The following EMILIN2 variants were observed in gnomAD, a reference collection of about 807,000 sequenced individuals.
EMILIN2 encodes elastin microfibril interfacer 2.
Under a neutral mutation model 87.1 loss-of-function variants are expected in EMILIN2, and 71 were observed. The ratio of observed to expected loss-of-function variants is 0.82; its 90% CI spans 0.67 to 0.99. The LOEUF (loss-of-function observed/expected upper bound fraction) is 0.99, where lower values mean the gene tolerates loss of function less well. EMILIN2 is among the 50% of genes least tolerant of loss of function. The probability of loss-of-function intolerance (pLI) is 0.00; values close to 1 mark genes in which losing one functional copy is unlikely to be tolerated. For synonymous variants in EMILIN2, 581 were observed against 563.4 expected (o/e 1.03, Z -0.44); for missense variants, 1,407 against 1,371.8 (o/e 1.03, Z -0.40).
Position 2,880,488 on chromosome 18 carries a change from G to T in EMILIN2, c.258-4476G>T, listed in dbSNP as rs189418801. ...ACAGGCCCAGGGTTACAGCCCCAAG[G>T]GCCGCCCCCGCCCATACCCAAGGCA... On this transcript the variant is annotated intron_variant, in intron 2 of 7. Transcript: ENST00000254528. The surrounding 1 kb of genome is among the most constrained non-coding windows in gnomAD (Gnocchi z 4.1). Among the ~76,000 whole-genome samples the T allele has an allele frequency of 2.0e-4, 31 of 152,322 alleles. No homozygotes were observed. In the East Asian group the frequency reaches 5.8e-3, roughly 28 times the overall value.
rs1240045194 is a variant in EMILIN2, at chr18:2,890,850, A to ACAC, written c.723_724insCAC (p.Gly241_Asp242insHis). ...CCAAGCCTGACACCACTGTTAGTGG[A>ACAC]GACACAGAAACGGGCCAGAGTCCTG... On this transcript the variant is annotated inframe_insertion, in exon 4 of 8. Coordinates refer to ENST00000254528, the MANE Select transcript of EMILIN2 (RefSeq NM_032048.3). This position sits in a 1 kb window ranked among gnomAD's most constrained non-coding sequence, Gnocchi z 4.7. 1.2e-6 allele frequency: 2 copies of ACAC among 1,613,904 alleles called. No individual in the cohort carries two copies. Among genetic ancestry groups the ACAC allele is most frequent in the South Asian group, 2.2e-5 (2 of 91,080 alleles).
At chr18:2,884,386 C>T (rs1324996821) in intron 2 of EMILIN2, among the ~76,000 whole-genome samples, 1 of 151,550 alleles carries the variant, frequency 6.6e-6, no homozygotes, top group Non-Finnish European at 1.5e-5. Context: ...GCTGGGACTA[C>T]AGGCATGCGC....
intron 4 of EMILIN2, among the ~76,000 whole-genome samples, chr18:2,900,493 G>A (rs937420601): frequency 1.3e-5 from 2 of 152,182 alleles, no homozygotes; most frequent in Non-Finnish European, 2.9e-5. Context: ...CAGCTCAAAA[G>A]CAGTGTTGAG....
chr18:2,862,927 A>G (rs1263389699), intron 2 of EMILIN2, among the ~76,000 whole-genome samples: 1 of 152,094 alleles, frequency 6.6e-6, no homozygotes, highest in Non-Finnish European at 1.5e-5. Context: ...CAGAGATTCA[A>G]CTTCTTCCTG....
rs199816715 is a variant in EMILIN2, at chr18:2,884,905, G to A, written c.258-59G>A. The A allele has an allele frequency of 1.3e-4, 197 of 1,519,730 alleles. No individual in the cohort carries two copies. In the South Asian group the frequency reaches 2.3e-3, roughly 18 times the overall value. 94.1% of individuals were successfully genotyped at this position (1,519,730 alleles called of 1,614,324 possible). Reference sequence around the variant, plus strand: ...TGAGTCCTCTTTATTTGGGTCTAGCGCCGGAAGTTGCTTGTAACGGCAGCC... The same window carrying A: ...TGAGTCCTCTTTATTTGGGTCTAGCACCGGAAGTTGCTTGTAACGGCAGCC... On this transcript the variant is annotated intron_variant, in intron 2 of 7. Coordinates refer to ENST00000254528, the MANE Select transcript of EMILIN2 (RefSeq NM_032048.3).
In EMILIN2 at chr18:2,913,162, A is replaced by G. The variant is rs1364519662; in HGVS notation, c.2920A>G (p.Asn974Asp). 3.1e-6 allele frequency: 5 copies of G among 1,613,564 alleles called. No homozygotes were observed. In the Admixed American group the frequency reaches 8.3e-5, roughly 27 times the overall value. ...AYVEAVLSVS[N>D]ASVAQLHTAG... ...CGTGGAAGCAGTGCTGTCGGTCTCC[A>G]ACGCCAGCGTGGCCCAGCTGCATAC... Residue 974 changes from asparagine to aspartate, a missense_variant, in exon 8 of 8, where the codon AAC becomes GAC. By Grantham distance (23) the Asn-to-Asp change is conservative. Coordinates refer to ENST00000254528, the MANE Select transcript of EMILIN2 (RefSeq NM_032048.3).
At chr18:2,873,695 A>T in intron 2 of EMILIN2, among the ~76,000 whole-genome samples, 1 of 151,796 alleles carries the variant, frequency 6.6e-6, no homozygotes, top group East Asian at 1.9e-4. Flanking sequence ...CGACAGAGCA[A>T]GACTCCATCT....
intron 2 of EMILIN2, among the ~76,000 whole-genome samples, chr18:2,861,939 G>C (rs1411123040): frequency 6.6e-6 from 1 of 152,090 alleles, no homozygotes; most frequent in Non-Finnish European, 1.5e-5. Flanking sequence ...TCCTTGAAGA[G>C]GTCCTTCACA....
Position 2,906,775 on chromosome 18 carries a change from C to G in EMILIN2, c.2360-8C>G. 7.9e-7 allele frequency: 1 copy of G among 1,259,166 alleles called. No individual in the cohort carries two copies. The highest frequency in any genetic ancestry group is 4.3e-5 in the Admixed American group (1 of 23,310). 78.0% of individuals were successfully genotyped at this position (1,259,166 alleles called of 1,614,324 possible). A position where few individuals can be genotyped will look rare whatever the true frequency, so the allele number is the denominator to read the frequency against. On this transcript the variant is annotated splice_polypyrimidine_tract_variant and splice_region_variant and intron_variant, in intron 4 of 7. Coordinates refer to ENST00000254528, the MANE Select transcript of EMILIN2 (RefSeq NM_032048.3). ...CCCGTGTGTTTCTTTCTCCCCGACG[C>G]CCGGCAGAGGCGCCCTCGCCCCCGC...
intron 2 of EMILIN2, among the ~76,000 whole-genome samples, chr18:2,853,360 A>G (rs2076610945): frequency 6.6e-6 from 1 of 152,134 alleles, no homozygotes; most frequent in Non-Finnish European, 1.5e-5. Context: ...TGGTGGACGC[A>G]GCCTCTGAAT....
chr18:2,851,022 T>C, intron 2 of EMILIN2, among the ~76,000 whole-genome samples: 1 of 150,594 alleles, frequency 6.6e-6, no homozygotes, highest in East Asian at 2.0e-4. Context: ...TTGTGTGAGA[T>C]TGAGGGAGTG....
intron 3 of EMILIN2, among the ~76,000 whole-genome samples, chr18:2,888,531 C>G (rs890138976): frequency 2.0e-5 from 3 of 151,862 alleles, no homozygotes; most frequent in Non-Finnish European, 4.4e-5. Context: ...CTGGCTAACA[C>G]AGTGAAACCC....
intron 7 of EMILIN2, among the ~76,000 whole-genome samples, chr18:2,910,326 G>T (rs1774799235): frequency 6.6e-6 from 1 of 152,210 alleles, no homozygotes; most frequent in African/African-American, 2.4e-5. Context: ...AATCCCTTCA[G>T]CTGGGAGCCT....
At chr18:2,907,463 ACCACGGGCTTC>A (rs1568485829) in intron 5 of EMILIN2, among the ~76,000 whole-genome samples, 3 of 152,226 alleles carry the variant, frequency 2.0e-5, no homozygotes, top group Non-Finnish European at 4.4e-5. Flanking sequence ...AGGGCTGTCT[ACCACGGGCTTC>A]GGGACTTGGG....
rs1361441623 is a variant in EMILIN2, at chr18:2,906,777, CG to C, written c.2360-4del. ...CGTGTGTTTCTTTCTCCCCGACGCC[CG>C]GCAGAGGCGCCCTCGCCCCCGCCGC... is the stretch of plus-strand genomic sequence containing the variant. On this transcript the variant is annotated splice_polypyrimidine_tract_variant and splice_region_variant and intron_variant, in intron 4 of 7. Coordinates refer to ENST00000254528, the MANE Select transcript of EMILIN2 (RefSeq NM_032048.3). 5 of 1,260,046 alleles carry C rather than the reference CG, an allele frequency of 4.0e-6. No individual in the cohort carries two copies. Among genetic ancestry groups the C allele is most frequent in the South Asian group, 5.8e-5 (2 of 34,584 alleles). 78.1% of individuals were successfully genotyped at this position (1,260,046 alleles called of 1,614,324 possible).
At chr18:2,895,038 G>A (rs1014583791) in intron 4 of EMILIN2, among the ~76,000 whole-genome samples, 1 of 152,170 alleles carries the variant, frequency 6.6e-6, no homozygotes, top group Non-Finnish European at 1.5e-5. Flanking sequence ...TTGTGGCATA[G>A]CAGTTTATCC....
At position 2,909,710 on chromosome 18, in the gene EMILIN2, G is replaced by A. The variant is rs775426185; in HGVS notation, c.2715G>A (p.Leu905=). 1 of 1,614,026 alleles carries A rather than the reference G, an allele frequency of 6.2e-7. No homozygotes were observed. Among genetic ancestry groups the A allele is most frequent in the Admixed American group, 1.7e-5 (1 of 59,998 alleles). Residue 905 remains leucine (L), a synonymous_variant, in exon 7 of 8, where the codon CTG becomes CTA. Coordinates refer to ENST00000254528, the MANE Select transcript of EMILIN2 (RefSeq NM_032048.3). Reference sequence around the variant, plus strand: ...CTCCAGGAGCTCCGGTGCCTTCTCTGGTGTCTTTTTCTGCGGGGCTCACCC... The same window carrying A: ...CTCCAGGAGCTCCGGTGCCTTCTCTAGTGTCTTTTTCTGCGGGGCTCACCC... ...VASPGAPVPS[L]VSFSAGLTQK...
chr18:2,875,551 T>C (rs545249161), intron 2 of EMILIN2, among the ~76,000 whole-genome samples: 2 of 152,312 alleles, frequency 1.3e-5, no homozygotes, highest in South Asian at 4.1e-4. Context: ...CTTCGATGGT[T>C]CAGCCATGCC....
intron 4 of EMILIN2, among the ~76,000 whole-genome samples, chr18:2,899,663 A>C (rs1390768664): frequency 6.6e-6 from 1 of 151,424 alleles, no homozygotes; most frequent in East Asian, 1.9e-4. Context: ...CACCACCACG[A>C]CCCACTAATT....
Sources: allele counts gnomAD v4.1 joint callset (sites outside exome capture counted in the v4.1 genomes callset), GRCh38; gene constraint gnomAD v4.1.1; non-coding constraint Gnocchi (gnomAD v3.1); transcripts MANE v1.5; gene names NCBI Gene and HGNC (gene_info 2026-07-23, HGNC 2026-07-21).